The following KCNN2 variants were observed in gnomAD, a reference collection of about 807,000 sequenced individuals.
The protein encoded by KCNN2 is small conductance calcium-activated potassium channel protein 2.
In KCNN2, 24 loss-of-function variants were observed where a neutral mutation model predicts 55.5. The observed-to-expected ratio is 0.43, with a 90% CI of 0.31 to 0.61. The LOEUF (loss-of-function observed/expected upper bound fraction) is 0.61, where lower values mean the gene tolerates loss of function less well. KCNN2 is among the 20% of genes least tolerant of loss of function. The pLI is 0.08. For missense variants in KCNN2, 754 were observed against 853.6 expected, an observed-to-expected ratio of 0.88 and a Z score of 1.45; for synonymous variants, 431 against 336.1, an observed-to-expected ratio of 1.28 and a Z score of -3.09.
chr5:114,181,655 C>T (rs1753242909), intron 1 of KCNN2, among the ~76,000 whole-genome samples: 1 of 151,974 alleles, frequency 6.6e-6, no homozygotes, highest in Admixed American at 6.6e-5. Context: ...CAAAGGTACT[C>T]TTTTATGTTT....
At chr5:114,109,440 G>A (rs536933837) in intron 1 of KCNN2, among the ~76,000 whole-genome samples, 1 of 152,168 alleles carries the variant, frequency 6.6e-6, no homozygotes, top group East Asian at 1.9e-4. Context: ...GGAGGGGATT[G>A]TACAAGGGCA....
chr5:114,294,453 C>T (rs1280487977), intron 2 of KCNN2, among the ~76,000 whole-genome samples: 5 of 152,094 alleles, frequency 3.3e-5, no homozygotes, highest in Non-Finnish European at 7.3e-5. Context: ...CTTATGTACC[C>T]AGTAGTCATT....
At chr5:114,275,481 G>A (rs1305594936) in intron 2 of KCNN2, among the ~76,000 whole-genome samples, 1 of 151,950 alleles carries the variant, frequency 6.6e-6, no homozygotes, top group Non-Finnish European at 1.5e-5. Context: ...TTTTTGGTTG[G>A]TAGGCTATTA....
At chr5:114,354,419 CCTT>C (rs1169655818) in intron 2 of KCNN2, among the ~76,000 whole-genome samples, 1 of 151,984 alleles carries the variant, frequency 6.6e-6, no homozygotes, top group African/African-American at 2.4e-5. Context: ...CAGAGGATGA[CCTT>C]CTTCCCTCTG....
intron 7 of KCNN2, 74 bp from the exon 8 acceptor site, chr5:114,495,821 C>G (rs1748087150): frequency 1.4e-6 from 2 of 1,414,696 alleles, no homozygotes; most frequent in Admixed American, 1.8e-5. Context: ...GAGACCAGAG[C>G]TAAACCTCTG....
chr5:114,242,181 A>G (rs1754659053), intron 2 of KCNN2, among the ~76,000 whole-genome samples: 1 of 151,996 alleles, frequency 6.6e-6, no homozygotes, highest in African/African-American at 2.4e-5. Flanking sequence ...AGAGGGAGGT[A>G]TGATCTCTGC....
chr5:114,141,353 C>A (rs1237704998), intron 1 of KCNN2, among the ~76,000 whole-genome samples: 1 of 152,070 alleles, frequency 6.6e-6, no homozygotes, highest in Non-Finnish European at 1.5e-5. Context: ...TTGTTCAATT[C>A]CCACCTATGA....
chr5:114,234,844 T>C (rs1754441401), intron 2 of KCNN2, among the ~76,000 whole-genome samples: 1 of 152,182 alleles, frequency 6.6e-6, no homozygotes, highest in African/African-American at 2.4e-5. Flanking sequence ...GGGAATGGCC[T>C]CTTTAAATCC....
chr5:114,228,649 A>T (rs1754289854), intron 2 of KCNN2, among the ~76,000 whole-genome samples: 2 of 152,098 alleles, frequency 1.3e-5, no homozygotes, highest in Admixed American at 1.3e-4. Flanking sequence ...TTTCTGATAT[A>T]TAAGTTGAGC....
Position 114,255,903 on chromosome 5 carries a change from T to C in KCNN2, c.-185+34338T>C, listed in dbSNP as rs551799890. ...AGGGTACAATTACAGTTTTGTTACA[T>C]GGATATATTCTCTAGTGGTGACGTC... On this transcript the variant is annotated intron_variant, in intron 2 of 10. Transcript: ENST00000512097. Among the ~76,000 whole-genome samples, 10 of 152,298 alleles carry C rather than the reference T, an allele frequency of 6.6e-5. No individual in the cohort carries two copies. The South Asian group carries it at 8.3e-4, about 13-fold the overall frequency.
chr5:114,095,963 A>C (rs1751246915), intron 1 of KCNN2, among the ~76,000 whole-genome samples: 1 of 152,164 alleles, frequency 6.6e-6, no homozygotes, highest in Non-Finnish European at 1.5e-5. Flanking sequence ...ATTTATTTAA[A>C]AACAGGCTAT....
chr5:114,222,585 T>A (rs1471643145), intron 2 of KCNN2, among the ~76,000 whole-genome samples: 1 of 152,238 alleles, frequency 6.6e-6, no homozygotes, highest in Non-Finnish European at 1.5e-5. Flanking sequence ...ATTTGCGAAC[T>A]GTACTATATT....
At chr5:114,345,673 G>C (rs187599311) in intron 2 of KCNN2, among the ~76,000 whole-genome samples, 42 of 152,334 alleles carry the variant, frequency 2.8e-4, no homozygotes, top group Admixed American at 5.2e-4. Flanking sequence ...AAATAACTGA[G>C]ACTGTGTAAT....
chr5:114,315,775 C>T (rs1425281808), intron 2 of KCNN2, among the ~76,000 whole-genome samples: 2 of 151,942 alleles, frequency 1.3e-5, no homozygotes, highest in Admixed American at 6.6e-5. Context: ...AAGGTTATAT[C>T]AAGAAATATG....
intron 1 of KCNN2, among the ~76,000 whole-genome samples, chr5:114,132,928 A>G (rs1003337334): frequency 2.0e-5 from 3 of 152,182 alleles, no homozygotes; most frequent in Non-Finnish European, 2.9e-5. Context: ...ATGCCTCCAG[A>G]CATGAGCACT....
chr5:114,299,547 G>C (rs1487139181), intron 2 of KCNN2, among the ~76,000 whole-genome samples: 3 of 152,032 alleles, frequency 2.0e-5, no homozygotes, highest in East Asian at 1.9e-4. Context: ...GTTTCTTTCT[G>C]GGGGGATAGG....
intron 1 of KCNN2, among the ~76,000 whole-genome samples, chr5:114,111,459 A>G (rs991911825): frequency 6.6e-6 from 1 of 152,240 alleles, no homozygotes; most frequent in African/African-American, 2.4e-5. Flanking sequence ...AGCAAGGGCA[A>G]CAAAAGCCCA....
chr5:114,483,764 A>G (rs1762335380), intron 5 of KCNN2, among the ~76,000 whole-genome samples: 1 of 151,410 alleles, frequency 6.6e-6, no homozygotes. Context: ...CCTGTTAACA[A>G]AGATCCTTCC....
intron 2 of KCNN2, among the ~76,000 whole-genome samples, chr5:114,322,816 C>G (rs548238090): frequency 3.3e-5 from 5 of 152,146 alleles, no homozygotes; most frequent in African/African-American, 1.2e-4. Context: ...TCTTTTTTAA[C>G]TTTTATTATA....
Sources: gnomAD v4.1 joint callset for allele counts (sites outside exome capture counted in the v4.1 genomes callset) on GRCh38, gnomAD v4.1.1 for gene constraint, MANE v1.5 for transcripts, NCBI Gene and HGNC (gene_info 2026-07-23, HGNC 2026-07-21) for gene names.